MDGA2: variants seen among roughly 807,000 people sequenced by gnomAD.
MDGA2 encodes MAM domain-containing glycosylphosphatidylinositol anchor protein 2.
MDGA2 carries 40 observed loss-of-function variants against 117.8 expected under a neutral mutation model. The observed-to-expected ratio is 0.34, with a 90% CI of 0.26 to 0.44. The LOEUF is 0.44. Ranked by LOEUF, MDGA2 falls within the 20% of genes least tolerant of loss-of-function variation. The pLI, the probability that MDGA2 is intolerant of heterozygous loss-of-function variation, is 1.00. For synonymous variants in MDGA2, 452 were observed against 439.0 expected, an observed-to-expected ratio of 1.03 and a Z score of -0.37; for missense variants, 1,123 against 1,250.6, an observed-to-expected ratio of 0.90 and a Z score of 1.54.
At chr14:47,389,586 G>GA in intron 1 of MDGA2, among the ~76,000 whole-genome samples, 1 of 134,672 alleles carries the variant, frequency 7.4e-6, no homozygotes, top group Non-Finnish European at 1.6e-5. Context: ...CCTTTTGCAG[G>GA]AAAACACACA....
In MDGA2 at chr14:47,346,052, A is replaced by C. The variant is rs1890755810; in HGVS notation, c.281-44502T>G. Among the ~76,000 whole-genome samples, 3 of 152,020 alleles carry C rather than the reference A, an allele frequency of 2.0e-5. No homozygotes were observed. The South Asian group carries it at 6.2e-4, about 31-fold the overall frequency. On this transcript the variant is annotated intron_variant, in intron 1 of 16. Transcript: ENST00000399232. ...CGTAAAATGACTATAGTTAACAATA[A>C]TATATTATATATTTTCTAATAGCTA...
At chr14:46,863,179 TC>T (rs1015599913) in intron 14 of MDGA2, among the ~76,000 whole-genome samples, 2 of 151,980 alleles carry the variant, frequency 1.3e-5, no homozygotes, top group African/African-American at 4.8e-5. Flanking sequence ...CCTATATAAT[TC>T]CCTCTTTTGT....
At chr14:47,622,260 T>C (rs1594948327) in intron 1 of MDGA2, among the ~76,000 whole-genome samples, 1 of 152,188 alleles carries the variant, frequency 6.6e-6, no homozygotes, top group Admixed American at 6.5e-5. Flanking sequence ...GGAGAATGAA[T>C]GACATCACTA....
intron 1 of MDGA2, among the ~76,000 whole-genome samples, chr14:47,313,338 C>G (rs1170720841): frequency 6.6e-6 from 1 of 152,014 alleles, no homozygotes; most frequent in East Asian, 1.9e-4. Flanking sequence ...AGTGACACTA[C>G]CTTGGCTCAC....
intron 1 of MDGA2, among the ~76,000 whole-genome samples, chr14:47,584,513 A>G (rs865845496): frequency 5.9e-5 from 9 of 151,790 alleles, no homozygotes; most frequent in African/African-American, 2.2e-4. Context: ...AGATAACCAA[A>G]TTTCATATTT....
At chr14:46,956,915 C>T (rs1411401964) in intron 9 of MDGA2, among the ~76,000 whole-genome samples, 1 of 152,054 alleles carries the variant, frequency 6.6e-6, no homozygotes, top group Non-Finnish European at 1.5e-5. Flanking sequence ...TGACACTTCC[C>T]CCTTCACTCT....
chr14:47,665,509 C>T (rs748984882), intron 1 of MDGA2, among the ~76,000 whole-genome samples: 2 of 152,126 alleles, frequency 1.3e-5, no homozygotes, highest in Admixed American at 6.5e-5. Context: ...CCGGCTCCCT[C>T]GGCTTGTGGG....
chr14:47,275,410 A>G (rs17118282), intron 2 of MDGA2, among the ~76,000 whole-genome samples: 4,438 of 152,270 alleles, frequency 0.029, 212 homozygotes, highest in African/African-American at 0.1. Flanking sequence ...TTGAAAGAGT[A>G]TATGTGCTGA....
chr14:47,471,720 G>A (rs17118752), intron 1 of MDGA2, among the ~76,000 whole-genome samples: 16,305 of 151,814 alleles, frequency 0.11, 973 homozygotes, highest in Middle Eastern at 0.15. Context: ...TTACTCATTG[G>A]GAATTAATTT....
At chr14:47,149,390 G>A (rs1020186324) in intron 3 of MDGA2, among the ~76,000 whole-genome samples, 1 of 152,106 alleles carries the variant, frequency 6.6e-6, no homozygotes, top group Non-Finnish European at 1.5e-5. Context: ...TGTCATCCCC[G>A]CTGTTACGAG....
At chr14:47,578,738 G>T (rs2138835877) in intron 1 of MDGA2, among the ~76,000 whole-genome samples, 1 of 152,140 alleles carries the variant, frequency 6.6e-6, no homozygotes, top group African/African-American at 2.4e-5. Flanking sequence ...GTTGTTTTTA[G>T]TCAACATCAG....
At chr14:46,924,649 A>G (rs1404174253) in intron 9 of MDGA2, among the ~76,000 whole-genome samples, 1 of 152,090 alleles carries the variant, frequency 6.6e-6, no homozygotes, top group Admixed American at 6.5e-5. Flanking sequence ...GATAAATAAA[A>G]TGAGCCCATT....
At chr14:47,585,582 G>A (rs1896309206) in intron 1 of MDGA2, among the ~76,000 whole-genome samples, 1 of 151,816 alleles carries the variant, frequency 6.6e-6, no homozygotes, top group Non-Finnish European at 1.5e-5. Flanking sequence ...TCTCTCAGGT[G>A]CAACTGATTA....
intron 1 of MDGA2, among the ~76,000 whole-genome samples, chr14:47,637,232 G>A (rs1478488816): frequency 1.3e-5 from 2 of 152,118 alleles, no homozygotes; most frequent in Non-Finnish European, 2.9e-5. Context: ...CAGTTGGCTA[G>A]GGGTACAAAC....
At position 47,570,945 on chromosome 14, in the gene MDGA2, A is replaced by C. The variant is rs1181673933; in HGVS notation, c.280+103572T>G. ...TACAGAGCTTCCGCACAGCAAAAGA[A>C]ACTATCATCAGAGTGAACAGGCAAC... On this transcript the variant is annotated intron_variant, in intron 1 of 16. Transcript: ENST00000399232. Among the ~76,000 whole-genome samples the C allele has an allele frequency of 2.0e-5, 3 of 152,248 alleles. No individual in the cohort carries two copies. The East Asian group carries it at 5.8e-4, about 29-fold the overall frequency.
At chr14:47,150,067 G>A (rs1221561640) in intron 3 of MDGA2, among the ~76,000 whole-genome samples, 1 of 152,198 alleles carries the variant, frequency 6.6e-6, no homozygotes, top group Non-Finnish European at 1.5e-5. Context: ...CGAGAAGGGT[G>A]TGAGTTACCT....
chr14:47,661,746 C>CTTTTTTTT (rs1172717995), intron 1 of MDGA2, among the ~76,000 whole-genome samples: 3 of 97,206 alleles, frequency 3.1e-5, no homozygotes, highest in Non-Finnish European at 5.7e-5. Context: ...ATCAGAGTTT[C>CTTTTTTTT]TTTTTTTTTT....
rs186404705 is a variant in MDGA2 at position 47,261,246 on chromosome 14, A to G, written c.420+40165T>C. On this transcript the variant is annotated intron_variant, in intron 2 of 16. Transcript: ENST00000399232. ...TAAAATTCAAGCCTTCAGATTTAAA[A>G]CAAAACAAAACAAAAAGCCAAATTG... Among the ~76,000 whole-genome samples, 3 of 152,236 alleles carry G rather than the reference A, an allele frequency of 2.0e-5. No individual in the cohort carries two copies. The East Asian group carries it at 5.8e-4, about 29-fold the overall frequency.
chr14:47,672,742 C>G (rs1000527361), intron 1 of MDGA2, among the ~76,000 whole-genome samples: 2 of 152,222 alleles, frequency 1.3e-5, no homozygotes, highest in African/African-American at 4.8e-5. Flanking sequence ...AATTCAGACT[C>G]TCCCATCCTA....
Sources: gnomAD v4.1 joint callset for allele counts (sites outside exome capture counted in the v4.1 genomes callset) on GRCh38, gnomAD v4.1.1 for gene constraint, MANE v1.5 for transcripts, NCBI Gene and HGNC (gene_info 2026-07-23, HGNC 2026-07-21) for gene names.